The following RNF6 variants were observed in gnomAD, a reference collection of about 807,000 sequenced individuals.
The protein encoded by RNF6 is ring finger protein 6.
A neutral mutation model predicts 50.1 loss-of-function variants in RNF6; 21 were observed. The observed-to-expected ratio is 0.42, with a 90% CI of 0.30 to 0.60. The LOEUF (loss-of-function observed/expected upper bound fraction) is 0.60. RNF6 is among the 20% of genes least tolerant of loss of function. The pLI is 0.20. For missense variants in RNF6, 698 were observed against 838.2 expected, an observed-to-expected ratio of 0.83 and a Z score of 2.07; for synonymous variants, 255 against 291.8, an observed-to-expected ratio of 0.87 and a Z score of 1.29.
chr13:26,208,897 A>G (rs1869208495), downstream of RNF6, among the ~76,000 whole-genome samples: 1 of 152,226 alleles, frequency 6.6e-6, no homozygotes, highest in African/African-American at 2.4e-5. Context: ...ACTATTCCAG[A>G]GGCAAACTCT....
chr13:26,155,529 T>C (rs1465385273), intron 5 of RNF6, among the ~76,000 whole-genome samples: 3 of 152,112 alleles, frequency 2.0e-5, no homozygotes, highest in Non-Finnish European at 2.9e-5. Flanking sequence ...GAGTTAGGTA[T>C]GGGTATAGAG....
upstream of RNF6, among the ~76,000 whole-genome samples, chr13:26,223,055 CTGGT>C (rs1870663252): frequency 6.6e-6 from 1 of 152,204 alleles, no homozygotes; most frequent in African/African-American, 2.4e-5. Flanking sequence ...TCTGTCTAAC[CTGGT>C]ATAGTCCCCT....
intron 5 of RNF6, among the ~76,000 whole-genome samples, chr13:26,172,520 GC>G (rs1490593191): frequency 2.7e-5 from 4 of 150,612 alleles, no homozygotes; most frequent in Non-Finnish European, 1.5e-5. Flanking sequence ...AATTTTAAAA[GC>G]AAGCCACATA....
At chr13:26,167,456 A>G (rs977290050) in intron 5 of RNF6, among the ~76,000 whole-genome samples, 2 of 152,230 alleles carry the variant, frequency 1.3e-5, no homozygotes, top group South Asian at 2.1e-4. Context: ...AAAAAACTCA[A>G]TATCGCTGAT....
In RNF6 at chr13:26,181,181, A is replaced by C. The variant is rs897978690; in HGVS notation, n.768+34293T>G. Among the ~76,000 whole-genome samples, 15 of 152,188 alleles carry C rather than the reference A, an allele frequency of 9.9e-5. 1 individual carries two copies. The highest frequency in any genetic ancestry group is 3.6e-4 in the African/African-American group (15 of 41,446). On this transcript the variant is annotated intron_variant and non_coding_transcript_variant, in intron 5 of 5. Coordinates refer to the RNF6 transcript ENST00000468480. ...TTCCATTCCCCGCCCCTGTGCACCC[A>C]GGAAAAGCAGCACCAGGGAAAGCAT...
downstream of RNF6, among the ~76,000 whole-genome samples, chr13:26,208,125 G>C (rs1341353687): frequency 6.6e-6 from 1 of 152,210 alleles, no homozygotes; most frequent in East Asian, 1.9e-4. Flanking sequence ...TACATGGTAG[G>C]CCTCAGGCTG....
intron 5 of RNF6, among the ~76,000 whole-genome samples, chr13:26,171,730 C>G (rs369525762): frequency 2.0e-5 from 3 of 152,228 alleles, no homozygotes; most frequent in East Asian, 1.9e-4. Flanking sequence ...AATGAAATTC[C>G]TACACATGCT....
At chr13:26,158,322 C>CT (rs1255975370) in intron 5 of RNF6, among the ~76,000 whole-genome samples, 1 of 152,180 alleles carries the variant, frequency 6.6e-6, no homozygotes, top group Non-Finnish European at 1.5e-5. Context: ...GAATGATCAA[C>CT]TATGAGCAGC....
At chr13:26,203,254 T>C (rs557744185) in intron 5 of RNF6, among the ~76,000 whole-genome samples, 248 of 152,316 alleles carry the variant, frequency 1.6e-3, no homozygotes, top group African/African-American at 5.7e-3. Flanking sequence ...AGGAGAGCAG[T>C]GGAGAAGGGT....
At chr13:26,135,811 G>T (rs1870619386) in intron 5 of RNF6, among the ~76,000 whole-genome samples, 1 of 152,102 alleles carries the variant, frequency 6.6e-6, no homozygotes, top group African/African-American at 2.4e-5. Flanking sequence ...TGTCCTTATA[G>T]TGATGAGTGA....
At chr13:26,163,293 CAG>C (rs369196339) in intron 5 of RNF6, among the ~76,000 whole-genome samples, 1 of 149,942 alleles carries the variant, frequency 6.7e-6, no homozygotes, top group Non-Finnish European at 1.5e-5. Flanking sequence ...GCCTGGGAGA[CAG>C]AGAGAGACTC....
chr13:26,197,576 C>G (rs1868721950), intron 5 of RNF6, among the ~76,000 whole-genome samples: 1 of 151,854 alleles, frequency 6.6e-6, no homozygotes, highest in Non-Finnish European at 1.5e-5. Context: ...CTCAAGCCCT[C>G]TACTTGCTCT....
At chr13:26,137,281 G>A (rs1870694904) in intron 5 of RNF6, among the ~76,000 whole-genome samples, 1 of 152,002 alleles carries the variant, frequency 6.6e-6, no homozygotes, top group South Asian at 2.1e-4. Context: ...AGCAATTGGG[G>A]TAAATAATAG....
chr13:26,222,321 T>C (rs1163978132), upstream of RNF6: 6 of 152,256 alleles, frequency 3.9e-5, no homozygotes, highest in Admixed American at 3.9e-4. Flanking sequence ...AACTGAAAAC[T>C]GCGTCCGTCG....
chr13:26,209,116 G>T (rs1164282090), downstream of RNF6, among the ~76,000 whole-genome samples: 2 of 152,164 alleles, frequency 1.3e-5, no homozygotes, highest in East Asian at 1.9e-4. Context: ...TTGTCAAAAA[G>T]TCCCTAGCCT....
downstream of RNF6, among the ~76,000 whole-genome samples, chr13:26,210,920 G>A (rs1443875097): frequency 1.3e-5 from 2 of 152,230 alleles, no homozygotes; most frequent in African/African-American, 4.8e-5. Flanking sequence ...CTGTAACTAT[G>A]TGAGAGGGCA....
chr13:26,137,213 T>G (rs1177965257), intron 5 of RNF6, among the ~76,000 whole-genome samples: 1 of 152,082 alleles, frequency 6.6e-6, no homozygotes, highest in Non-Finnish European at 1.5e-5. Context: ...AGGGTGAAAT[T>G]TGTTGAAAAT....
Position 26,151,980 on chromosome 13 carries a change from G to A in RNF6, n.769-19529C>T, listed in dbSNP as rs376556430. Among the ~76,000 whole-genome samples the A allele has an allele frequency of 5.3e-5, 8 of 152,176 alleles. No homozygotes were observed. In the East Asian group the frequency reaches 1.4e-3, roughly 26 times the overall value. ...CTGTTCATGTCAGTGAGCTGCTCAC[G>A]ACTGCCACTGCCTTCTCACTGTCTC... On this transcript the variant is annotated intron_variant and non_coding_transcript_variant, in intron 5 of 5. Transcript: ENST00000468480.
chr13:26,202,958 G>A (rs952146476), intron 5 of RNF6, among the ~76,000 whole-genome samples: 1 of 152,196 alleles, frequency 6.6e-6, no homozygotes, highest in African/African-American at 2.4e-5. Flanking sequence ...ACATGCCAAG[G>A]ACTTTTAGTG....
Sources: gnomAD v4.1 joint callset for allele counts (sites outside exome capture counted in the v4.1 genomes callset) on GRCh38, gnomAD v4.1.1 for gene constraint, MANE v1.5 for transcripts, NCBI Gene and HGNC (gene_info 2026-07-23, HGNC 2026-07-21) for gene names.